The following SSH2 variants were observed in gnomAD, a reference collection of about 807,000 sequenced individuals.
SSH2 encodes slingshot protein phosphatase 2.
SSH2 carries 37 observed loss-of-function variants against 135.2 expected under a neutral mutation model. That is an observed-to-expected ratio of 0.27 (90% CI 0.21 to 0.36). SSH2 has a LOEUF of 0.36. Ranked by LOEUF, SSH2 falls within the 10% of genes least tolerant of loss-of-function variation. SSH2 has a pLI of 1.00. For synonymous variants in SSH2, 628 were observed against 646.2 expected, an observed-to-expected ratio of 0.97 and a Z score of 0.43; for missense variants, 1,408 against 1,765.3, an observed-to-expected ratio of 0.80 and a Z score of 3.63.
At chr17:29,887,239 TA>T (rs938036773) in intron 1 of SSH2, among the ~76,000 whole-genome samples, 27 of 151,594 alleles carry the variant, frequency 1.8e-4, no homozygotes, top group South Asian at 4.2e-4. Flanking sequence ...TAGAACACAA[TA>T]AAAAAAAATC....
At chr17:29,702,934 G>C in intron 4 of SSH2, 25 bp downstream of exon 4, 2 of 1,517,188 alleles carry the variant, frequency 1.3e-6, no homozygotes, top group Non-Finnish European at 9.2e-7. Flanking sequence ...TACCAAGAAA[G>C]AAATGGTGTA....
intron 2 of SSH2, among the ~76,000 whole-genome samples, chr17:29,832,682 T>C (rs1434096389): frequency 6.6e-6 from 1 of 152,200 alleles, no homozygotes; most frequent in Non-Finnish European, 1.5e-5. Context: ...TTTTTTCTTT[T>C]CTTTTTTTGA....
chr17:29,844,065 C>T (rs1226614635), intron 2 of SSH2, among the ~76,000 whole-genome samples: 6 of 152,078 alleles, frequency 3.9e-5, no homozygotes, highest in African/African-American at 1.2e-4. Flanking sequence ...TAGGGGGTGG[C>T]TTTTTCTTTT....
At chr17:29,865,637 C>T (rs2151414798) in intron 1 of SSH2, among the ~76,000 whole-genome samples, 1 of 152,282 alleles carries the variant, frequency 6.6e-6, no homozygotes, top group South Asian at 2.1e-4. Flanking sequence ...TTTCACTGAA[C>T]CCAAATGGGG....
chr17:29,804,977 AGCT>A (rs1187676969), intron 2 of SSH2, among the ~76,000 whole-genome samples: 1 of 149,224 alleles, frequency 6.7e-6, no homozygotes, highest in Non-Finnish European at 1.5e-5. Context: ...TACAGATATG[AGCT>A]ACCACACCTG....
intron 1 of SSH2, among the ~76,000 whole-genome samples, chr17:29,897,739 G>A (rs1012198287): frequency 7.2e-5 from 11 of 152,032 alleles, no homozygotes; most frequent in Non-Finnish European, 1.5e-4. Flanking sequence ...GGTTAACAAG[G>A]ATATCCAGGA....
At chr17:29,665,506 C>G (rs2037232884) in intron 11 of SSH2, among the ~76,000 whole-genome samples, 1 of 152,200 alleles carries the variant, frequency 6.6e-6, no homozygotes, top group African/African-American at 2.4e-5. Flanking sequence ...CCAGTTTAGT[C>G]AGTTCCTGAG....
At chr17:29,643,232 C>T (rs2036236943) in intron 14 of SSH2, 2 of 985,158 alleles carry the variant, frequency 2.0e-6, no homozygotes, top group African/African-American at 3.5e-5. Flanking sequence ...ATTCACTTGG[C>T]AGTTAGCCTA....
intron 3 of SSH2, among the ~76,000 whole-genome samples, chr17:29,734,764 A>C (rs1217273869): frequency 2.6e-5 from 4 of 152,210 alleles, no homozygotes; most frequent in Non-Finnish European, 5.9e-5. Flanking sequence ...GTAATATTCC[A>C]AGTTTTCTTT....
At chr17:29,886,928 C>A (rs577601149) in intron 1 of SSH2, among the ~76,000 whole-genome samples, 23 of 152,096 alleles carry the variant, frequency 1.5e-4, no homozygotes, top group South Asian at 1.2e-3. Flanking sequence ...AGACACTTTA[C>A]CAAGAGTATG....
At chr17:29,872,641 G>A (rs1487286109) in intron 1 of SSH2, among the ~76,000 whole-genome samples, 1 of 152,092 alleles carries the variant, frequency 6.6e-6, no homozygotes, top group South Asian at 2.1e-4. Context: ...TAGCGGTCTC[G>A]TAACAAGGTG....
intron 2 of SSH2, among the ~76,000 whole-genome samples, chr17:29,827,371 A>T (rs140901580): frequency 5.5e-4 from 84 of 152,338 alleles, no homozygotes; most frequent in African/African-American, 1.9e-3. Context: ...GCTAGGATTT[A>T]AATCCCAGTT....
chr17:29,844,417 T>A (rs1250750395), intron 2 of SSH2, among the ~76,000 whole-genome samples: 1 of 152,204 alleles, frequency 6.6e-6, no homozygotes, highest in African/African-American at 2.4e-5. Context: ...AGACCACCCA[T>A]AAGCACAATA....
intron 2 of SSH2, 49 bp downstream of exon 2, chr17:29,848,800 G>A: frequency 8.1e-7 from 1 of 1,240,346 alleles, no homozygotes; most frequent in East Asian, 2.6e-5. Context: ...TACCCAATAA[G>A]ATTTTACTTG....
At chr17:29,877,206 CA>C (rs1189472423) in intron 1 of SSH2, among the ~76,000 whole-genome samples, 3 of 152,002 alleles carry the variant, frequency 2.0e-5, no homozygotes, top group African/African-American at 7.2e-5. Context: ...GGCTTTTATC[CA>C]AAAGACAGAC....
intron 5 of SSH2, among the ~76,000 whole-genome samples, chr17:29,693,185 C>T (rs960829334): frequency 2.6e-5 from 4 of 151,124 alleles, no homozygotes; most frequent in Non-Finnish European, 5.9e-5. Flanking sequence ...TGGGCTCAAG[C>T]GATCCTCCTG....
chr17:29,740,624 C>A (rs1567935514), intron 3 of SSH2, among the ~76,000 whole-genome samples: 1 of 152,068 alleles, frequency 6.6e-6, no homozygotes, highest in Non-Finnish European at 1.5e-5. Flanking sequence ...TGACTTGTTC[C>A]CTAAAAAGTT....
intron 9 of SSH2, among the ~76,000 whole-genome samples, chr17:29,667,681 T>G (rs1179669795): frequency 6.6e-6 from 1 of 152,236 alleles, no homozygotes; most frequent in Non-Finnish European, 1.5e-5. Flanking sequence ...GACTGCTGAC[T>G]TAAGAGCCCT....
chr17:29,834,348 G>A (rs145591265), intron 2 of SSH2, among the ~76,000 whole-genome samples: 7 of 152,186 alleles, frequency 4.6e-5, no homozygotes, highest in African/African-American at 1.4e-4. Context: ...AATGCTTGAC[G>A]TGATTGAAAC....
Sources: allele counts gnomAD v4.1 joint callset (sites outside exome capture counted in the v4.1 genomes callset), GRCh38; gene constraint gnomAD v4.1.1; transcripts MANE v1.5; gene names NCBI Gene and HGNC (gene_info 2026-07-23, HGNC 2026-07-21).